Variants in TRPC4 observed in about 807,000 individuals in gnomAD.
TRPC4 encodes the protein transient receptor potential cation channel subfamily C member 4, also known as short transient receptor potential channel 4.
Under a neutral mutation model 99.4 loss-of-function variants are expected in TRPC4, and 49 were observed. The observed-to-expected ratio is 0.49, with a 90% CI of 0.39 to 0.63. The LOEUF (loss-of-function observed/expected upper bound fraction) is 0.63, where lower values mean the gene tolerates loss of function less well. TRPC4 is among the 20% of genes least tolerant of loss of function. The pLI, the probability that TRPC4 is intolerant of heterozygous loss-of-function variation, is 0.00. For synonymous variants in TRPC4, 454 were observed against 425.9 expected (o/e 1.07, Z -0.81); for missense variants, 898 against 1,152.9 (o/e 0.78, Z 3.20).
intron 4 of TRPC4, among the ~76,000 whole-genome samples, chr13:37,683,175 T>G (rs567305676): frequency 4.6e-5 from 7 of 151,742 alleles, no homozygotes; most frequent in African/African-American, 1.7e-4. Context: ...TCCAAGAAAA[T>G]CCCTCATAAA....
At chr13:37,645,447 TG>T (rs1387029535) in intron 8 of TRPC4, among the ~76,000 whole-genome samples, 15 of 152,206 alleles carry the variant, frequency 9.9e-5, no homozygotes, top group African/African-American at 3.6e-4. Flanking sequence ...GCTCATTTCA[TG>T]TAGCTAGTCC....
intron 1 of TRPC4, among the ~76,000 whole-genome samples, chr13:37,812,187 A>AAAAAAAAAAC (rs2139481860): frequency 6.7e-6 from 1 of 148,884 alleles, no homozygotes; most frequent in African/African-American, 2.5e-5. Flanking sequence ...AAAAAAAAAA[A>AAAAAAAAAAC]AAAAAAAACC....
At chr13:37,725,229 G>A (rs1440127172) in intron 3 of TRPC4, among the ~76,000 whole-genome samples, 1 of 151,966 alleles carries the variant, frequency 6.6e-6, no homozygotes, top group African/African-American at 2.4e-5. Flanking sequence ...GATGAACAGA[G>A]TCTAAAGAAC....
At chr13:37,809,318 T>G (rs1263020300) in intron 1 of TRPC4, among the ~76,000 whole-genome samples, 2 of 152,060 alleles carry the variant, frequency 1.3e-5, no homozygotes, top group African/African-American at 4.8e-5. Context: ...AAACTTTCTT[T>G]CCCTAAGTTG....
intron 3 of TRPC4, among the ~76,000 whole-genome samples, chr13:37,716,857 C>T (rs1306240952): frequency 2.0e-5 from 3 of 152,118 alleles, no homozygotes; most frequent in African/African-American, 7.2e-5. Flanking sequence ...TTCCTCATAG[C>T]TGCTTCTCTT....
intron 1 of TRPC4, among the ~76,000 whole-genome samples, chr13:37,818,767 C>G (rs1172955052): frequency 1.3e-5 from 2 of 151,922 alleles, no homozygotes; most frequent in African/African-American, 2.4e-5. Context: ...CACATGGACA[C>G]AGGGAGGGGA....
At chr13:37,777,357 C>T (rs77988553) in intron 2 of TRPC4, among the ~76,000 whole-genome samples, 3,739 of 151,920 alleles carry the variant, frequency 0.025, 63 homozygotes, top group Non-Finnish European at 0.038. Context: ...CTTCACACGG[C>T]AGCGGGAGAG....
At chr13:37,866,054 G>A (rs567756600) in intron 1 of TRPC4, among the ~76,000 whole-genome samples, 5 of 151,628 alleles carry the variant, frequency 3.3e-5, no homozygotes, top group Admixed American at 6.6e-5. Flanking sequence ...TTTGCTTGAA[G>A]TAATTTTTCA....
At chr13:37,753,345 C>T (rs531758028) in intron 2 of TRPC4, among the ~76,000 whole-genome samples, 123 of 151,960 alleles carry the variant, frequency 8.1e-4, no homozygotes, top group Admixed American at 3.3e-3. Flanking sequence ...ATATTGGTGA[C>T]ATTATAGAAG....
intron 4 of TRPC4, among the ~76,000 whole-genome samples, chr13:37,675,850 A>T (rs1403880005): frequency 6.6e-6 from 1 of 152,176 alleles, no homozygotes; most frequent in South Asian, 2.1e-4. Flanking sequence ...CACGAGGCCA[A>T]CAAACACCAG....
rs1366925427 is a variant in TRPC4, at chr13:37,745,957, T to C, written c.877A>G (p.Ile293Val). 1.7e-5 allele frequency: 27 copies of C among 1,612,986 alleles called. No individual in the cohort carries two copies. Among genetic ancestry groups the C allele is most frequent in the East Asian group, 2.2e-5 (1 of 44,854 alleles). ...GNDLARLKLAIKYRQKEFVAQ... is the reference protein window; with the variant it reads ...GNDLARLKLAVKYRQKEFVAQ... Reference sequence around the variant, plus strand: ...CTCACCTCTTTTTGACGGTACTTAATGGCCAATTTTAGTCTTGCAAGATCA... The same window carrying C: ...CTCACCTCTTTTTGACGGTACTTAACGGCCAATTTTAGTCTTGCAAGATCA... The change falls in exon 3 of 11, where the codon ATT becomes GTT. Residue 293 changes from isoleucine (I) to valine (V), a missense_variant. Ile to Val is a conservative substitution (Grantham distance 29, BLOSUM62 3). Around this residue, in one of 3 missense-constraint regions of TRPC4, gnomAD observed 278 missense variants for 346.6 expected, o/e 0.80. Coordinates refer to ENST00000379705, the MANE Select transcript of TRPC4 (RefSeq NM_016179.4).
chr13:37,735,010 C>T (rs571818019), intron 3 of TRPC4, among the ~76,000 whole-genome samples: 5 of 152,088 alleles, frequency 3.3e-5, no homozygotes. Flanking sequence ...ATCGCTTTCC[C>T]TGTTCTATGC....
Position 37,639,309 on chromosome 13 carries a change from A to G in TRPC4, c.2080-10T>C, listed in dbSNP as rs772552370. ...TATCAGCAGCTCGCCTCTGAAAAGG[A>G]AAAGGACATTCCTTTCTGGTTATAC... On this transcript the variant is annotated splice_polypyrimidine_tract_variant and intron_variant, in intron 8 of 10. Transcript: ENST00000379705. 5 of 1,613,338 alleles carry G rather than the reference A, an allele frequency of 3.1e-6. No individual in the cohort carries two copies. The African/African-American group carries it at 5.3e-5, about 17-fold the overall frequency.
intron 1 of TRPC4, among the ~76,000 whole-genome samples, chr13:37,848,281 T>C (rs1190494106): frequency 6.6e-6 from 1 of 152,156 alleles, no homozygotes; most frequent in Non-Finnish European, 1.5e-5. Flanking sequence ...CTTAAATGCA[T>C]AAAATTATGA....
chr13:37,676,977 G>T (rs1043606147), intron 4 of TRPC4, among the ~76,000 whole-genome samples: 6 of 151,426 alleles, frequency 4.0e-5, no homozygotes, highest in African/African-American at 1.5e-4. Context: ...TTATTTAAAA[G>T]TTTTCTAACA....
chr13:37,741,816 T>A (rs1277724463), intron 3 of TRPC4, among the ~76,000 whole-genome samples: 1 of 151,998 alleles, frequency 6.6e-6, no homozygotes, highest in Non-Finnish European at 1.5e-5. Flanking sequence ...GGAGGCAATA[T>A]GGTGTGATGG....
At chr13:37,856,097 T>G (rs1959171999) in intron 1 of TRPC4, among the ~76,000 whole-genome samples, 1 of 151,788 alleles carries the variant, frequency 6.6e-6, no homozygotes, top group South Asian at 2.1e-4. Context: ...AAAAAGTTTG[T>G]TTTTTGAAAA....
intron 4 of TRPC4, among the ~76,000 whole-genome samples, chr13:37,681,079 T>G (rs893972965): frequency 5.3e-5 from 8 of 152,182 alleles, no homozygotes; most frequent in African/African-American, 1.9e-4. Context: ...GAAGGAGGTA[T>G]AAAGAAGAAG....
chr13:37,799,482 T>C (rs1185886418), intron 1 of TRPC4, among the ~76,000 whole-genome samples: 1 of 152,160 alleles, frequency 6.6e-6, no homozygotes, highest in Non-Finnish European at 1.5e-5. Context: ...CAAAAACTTA[T>C]TTGAACCCCA....
Sources: allele counts gnomAD v4.1 joint callset (sites outside exome capture counted in the v4.1 genomes callset), GRCh38; gene constraint gnomAD v4.1.1; regional missense constraint gnomAD v4.1.1; transcripts MANE v1.5; gene names NCBI Gene and HGNC (gene_info 2026-07-23, HGNC 2026-07-21).